STAMBPL1: variants seen among roughly 807,000 people sequenced by gnomAD.
STAMBPL1 encodes AMSH-like protease.
In STAMBPL1, 44 loss-of-function variants were observed where a neutral mutation model predicts 52.9. The ratio of observed to expected loss-of-function variants is 0.83; its 90% CI spans 0.65 to 1.07. The LOEUF (loss-of-function observed/expected upper bound fraction) is 1.07, where lower values mean the gene tolerates loss of function less well. Among genes scored for constraint, STAMBPL1 ranks in the 50% least tolerant of loss-of-function variants. The pLI, the probability that STAMBPL1 is intolerant of heterozygous loss-of-function variation, is 0.00. For missense variants in STAMBPL1, 511 were observed against 520.8 expected (o/e 0.98, Z 0.18); for synonymous variants, 164 against 177.3 (o/e 0.92, Z 0.60).
chr10:88,893,874 C>T (rs41317244), intron 1 of STAMBPL1: 15,337 of 152,152 alleles, frequency 0.1, 957 homozygotes, highest in Non-Finnish European at 0.15. Flanking sequence ...GTCCAAGGCC[C>T]AAGGATGTGA....
At chr10:88,883,894 C>CT (rs927308133) in intron 1 of STAMBPL1, among the ~76,000 whole-genome samples, 7 of 151,002 alleles carry the variant, frequency 4.6e-5, no homozygotes, top group African/African-American at 7.3e-5. Flanking sequence ...GTTATGACTC[C>CT]TTTTTTTTTG....
chr10:88,888,490 C>G (rs948223922), intron 1 of STAMBPL1, among the ~76,000 whole-genome samples: 1 of 152,186 alleles, frequency 6.6e-6, no homozygotes, highest in Non-Finnish European at 1.5e-5. Flanking sequence ...GCTGGACTGA[C>G]TTTCAAGGGT....
chr10:88,895,201 A>C (rs890967280), intron 1 of STAMBPL1, among the ~76,000 whole-genome samples: 3 of 152,206 alleles, frequency 2.0e-5, no homozygotes, highest in African/African-American at 7.2e-5. Flanking sequence ...TCACATGTTC[A>C]GCTGATGAAA....
chr10:88,902,844 C>T (rs1311859357), intron 2 of STAMBPL1, among the ~76,000 whole-genome samples: 1 of 152,204 alleles, frequency 6.6e-6, no homozygotes, highest in Non-Finnish European at 1.5e-5. Flanking sequence ...GCTGGGATTA[C>T]AGGTGTGAGC....
At chr10:88,903,394 G>A (rs1449415895) in intron 2 of STAMBPL1, among the ~76,000 whole-genome samples, 1 of 152,192 alleles carries the variant, frequency 6.6e-6, no homozygotes, top group Non-Finnish European at 1.5e-5. Context: ...TTATGTGGCA[G>A]GGAATATGCT....
In STAMBPL1 at chr10:88,913,183, G is replaced by T; in HGVS notation, c.503G>T (p.Arg168Leu). The change falls in exon 6 of 11, where the codon CGC (arginine) becomes CTC (leucine). Residue 168 changes from arginine to leucine, a missense_variant. This residue lies in a region of STAMBPL1 where 358 missense variants were observed against 343.5 expected (regional missense o/e 1.04). Transcript: ENST00000371926. ...EAERKRIAQM[R>L]QQQLESEQFL... ...GAAAGGAAGCGGATTGCTCAGATGC[G>T]CCAGCAGCAGCTAGAATCGGAGCAG... 6.2e-7 allele frequency: 1 copy of T among 1,613,788 alleles called. No individual in the cohort carries two copies. Among genetic ancestry groups the T allele is most frequent in the Non-Finnish European group, 8.5e-7 (1 of 1,179,830 alleles).
chr10:88,910,932 C>T lies in STAMBPL1; in HGVS notation c.341C>T (p.Ala114Val). The T allele has an allele frequency of 6.3e-7, 1 of 1,586,522 alleles. No individual in the cohort carries two copies. The highest frequency in any genetic ancestry group is 1.2e-5 in the South Asian group (1 of 83,548). ...TTTTAAAAGAAACTGAAGGAGATTG[C>T]ATTCCCAAGGACAGATGAATTGAAA... The part of the protein sequence containing the change: ...QDIMKKLKEI[A>V]FPRTDELKND... The change falls in exon 5 of 11, where the codon GCA becomes GTA. Residue 114 changes from alanine (A) to valine (V), a missense_variant. By Grantham distance (64) the Ala-to-Val change is moderately conservative. This residue lies in a region of STAMBPL1 where 358 missense variants were observed against 343.5 expected (regional missense o/e 1.04). Transcript: ENST00000371926.
At chr10:88,912,305 C>T (rs979085803) in intron 5 of STAMBPL1, 2 of 152,218 alleles carry the variant, frequency 1.3e-5, no homozygotes, top group African/African-American at 2.4e-5. Flanking sequence ...CTTACAGTAG[C>T]TCCCAAATCT....
At chr10:88,900,786 A>G (rs911449497) in intron 1 of STAMBPL1, among the ~76,000 whole-genome samples, 1 of 152,222 alleles carries the variant, frequency 6.6e-6, no homozygotes, top group East Asian at 1.9e-4. Context: ...TCAGGAGTCT[A>G]GGCACAGCTT....
rs534857994 is a variant in STAMBPL1 at position 88,907,781 on chromosome 10, C to T, written c.249-921C>T. Among the ~76,000 whole-genome samples the T allele has an allele frequency of 3.3e-5, 5 of 152,220 alleles. No individual in the cohort carries two copies. In the South Asian group the frequency reaches 1.0e-3, roughly 32 times the overall value. On this transcript the variant is annotated intron_variant, in intron 3 of 10. Coordinates refer to ENST00000371926, the MANE Select transcript of STAMBPL1 (RefSeq NM_020799.4). ...TAACAACTTTTAAAGCTTCTTTAAG[C>T]CTTAATTTTCTCATTTAAAATGGGA...
At chr10:88,914,483 A>G in intron 6 of STAMBPL1, 51 bp from the exon 7 acceptor site, 2 of 1,361,886 alleles carry the variant, frequency 1.5e-6, no homozygotes, top group South Asian at 2.0e-5. Context: ...ATTTTGAAAG[A>G]TGGGACATAT....
chr10:88,900,429 T>C (rs1225153552), intron 1 of STAMBPL1, among the ~76,000 whole-genome samples: 4 of 152,240 alleles, frequency 2.6e-5, no homozygotes, highest in Non-Finnish European at 5.9e-5. Context: ...GAATTACTAA[T>C]ATTTATTGAA....
At chr10:88,917,795 A>G (rs72809324) in intron 8 of STAMBPL1, among the ~76,000 whole-genome samples, 28,649 of 152,052 alleles carry the variant, frequency 0.19, 2,913 homozygotes, top group African/African-American at 0.26. Context: ...ATTTAAAAAG[A>G]ACAGAAATTT....
At chr10:88,921,610 G>A (rs771966126) in intron 9 of STAMBPL1, among the ~76,000 whole-genome samples, 10 of 152,132 alleles carry the variant, frequency 6.6e-5, no homozygotes, top group East Asian at 1.9e-4. Context: ...TTCAGTTAGC[G>A]TGACTTTGAA....
Position 88,901,669 on chromosome 10 carries a change from GA to G in STAMBPL1, c.-38del. Reference sequence around the variant, plus strand: ...TTTTTGAAACAGATGAAGTGATTGAGAAGAAACAGTGAACATCCTCATTTCA... The same window carrying G: ...TTTTTGAAACAGATGAAGTGATTGAGAGAAACAGTGAACATCCTCATTTCA... On this transcript the variant is annotated 5_prime_UTR_variant, in exon 2 of 11. Coordinates refer to ENST00000371926, the MANE Select transcript of STAMBPL1 (RefSeq NM_020799.4). The G allele has an allele frequency of 6.3e-7, 1 of 1,595,898 alleles. No homozygotes were observed. The highest frequency in any genetic ancestry group is 8.5e-7 in the Non-Finnish European group (1 of 1,173,286).
chr10:88,916,591 C>G, intron 7 of STAMBPL1, 89 bp from the exon 8 acceptor site: 4 of 1,339,902 alleles, frequency 3.0e-6, no homozygotes, highest in Non-Finnish European at 3.9e-6. Context: ...TGCTGGGGGA[C>G]TCTTTAGTCT....
At chr10:88,910,764 C>G in intron 4 of STAMBPL1, 152 bp from the exon 5 acceptor site, 3 of 493,762 alleles carry the variant, frequency 6.1e-6, no homozygotes, top group Non-Finnish European at 1.1e-5. Context: ...ATTTTGGACC[C>G]ATAAAAAAGA....
At chr10:88,885,987 A>G (rs1844520839) in intron 1 of STAMBPL1, among the ~76,000 whole-genome samples, 1 of 152,238 alleles carries the variant, frequency 6.6e-6, no homozygotes, top group Admixed American at 6.5e-5. Context: ...GGTCTTGTAT[A>G]AAGTTGAATT....
intron 1 of STAMBPL1, among the ~76,000 whole-genome samples, chr10:88,890,193 A>G (rs1844642958): frequency 6.6e-6 from 1 of 152,330 alleles, no homozygotes; most frequent in Non-Finnish European, 1.5e-5. Context: ...GGTGGTGTGA[A>G]AGAAGGCTCT....
Sources: gnomAD v4.1 joint callset for allele counts (sites outside exome capture counted in the v4.1 genomes callset) on GRCh38, gnomAD v4.1.1 for gene constraint, gnomAD v4.1.1 regional missense constraint, MANE v1.5 for transcripts, NCBI Gene and HGNC (gene_info 2026-07-23, HGNC 2026-07-21) for gene names.